The following AKAP6 variants were observed in gnomAD, a reference collection of about 807,000 sequenced individuals.
AKAP6 encodes A-kinase anchor protein 6.
Under a neutral mutation model 188.5 loss-of-function variants are expected in AKAP6, and 58 were observed. The observed-to-expected ratio is 0.31, with a 90% CI of 0.25 to 0.38. AKAP6 has a LOEUF of 0.38. AKAP6 is among the 10% of genes least tolerant of loss of function. The pLI is 1.00. For synonymous variants in AKAP6, 989 were observed against 998.6 expected, an observed-to-expected ratio of 0.99 and a Z score of 0.18; for missense variants, 2,710 against 2,740.0, an observed-to-expected ratio of 0.99 and a Z score of 0.24.
At chr14:32,391,458 C>T (rs902684060) in intron 1 of AKAP6, among the ~76,000 whole-genome samples, 1 of 152,150 alleles carries the variant, frequency 6.6e-6, no homozygotes, top group Non-Finnish European at 1.5e-5. Context: ...TGTTTCTAAA[C>T]AAATATGTGA....
intron 9 of AKAP6, among the ~76,000 whole-genome samples, chr14:32,718,631 T>C (rs1476826288): frequency 6.6e-6 from 1 of 152,196 alleles, no homozygotes; most frequent in Non-Finnish European, 1.5e-5. Context: ...GTGTTAACCG[T>C]TCATGGCCAT....
At chr14:32,365,894 G>T (rs1231252989) in intron 1 of AKAP6, among the ~76,000 whole-genome samples, 3 of 152,116 alleles carry the variant, frequency 2.0e-5, no homozygotes, top group Admixed American at 1.3e-4. Flanking sequence ...TGCCTTAGGG[G>T]ACAGGTGTCC....
intron 4 of AKAP6, among the ~76,000 whole-genome samples, chr14:32,567,049 A>G (rs1884225209): frequency 6.6e-6 from 1 of 152,098 alleles, no homozygotes; most frequent in Non-Finnish European, 1.5e-5. Flanking sequence ...CAGCTTCCAG[A>G]GTAGCTGGAC....
chr14:32,515,210 A>T (rs558883501), intron 2 of AKAP6, among the ~76,000 whole-genome samples: 2 of 152,316 alleles, frequency 1.3e-5, no homozygotes, highest in African/African-American at 4.8e-5. Flanking sequence ...ACTTCCATTT[A>T]TAAAACCATC....
In AKAP6 at chr14:32,453,575, C is replaced by CTTTTTTTTTTTTT. The variant is rs71115071; in HGVS notation, c.324+19785_324+19797dup. 1.3e-3 allele frequency among the ~76,000 whole-genome samples: 122 copies of CTTTTTTTTTTTTT among 95,350 alleles called. 28 individuals carry two copies. The highest frequency in any genetic ancestry group is 2.2e-3 in the Admixed American group (15 of 6,914). 62.6% of individuals were successfully genotyped at this position (95,350 alleles called of 152,430 possible). A position where few individuals can be genotyped will look rare whatever the true frequency, so the allele number is the denominator to read the frequency against. ...GTGGAGATAATAGAATTTTTCTTTT[C>CTTTTTTTTTTTTT]TTTTTTTTTTTTTTTTTTTTTTTTT... is the stretch of plus-strand genomic sequence containing the variant. On this transcript the variant is annotated intron_variant, in intron 2 of 13. Transcript: ENST00000280979.
intron 1 of AKAP6, among the ~76,000 whole-genome samples, chr14:32,343,022 T>C (rs1035070160): frequency 2.8e-4 from 42 of 152,174 alleles, no homozygotes; most frequent in Non-Finnish European, 4.9e-4. Flanking sequence ...AACAGCAACC[T>C]TTTTTCCCGT....
chr14:32,369,125 G>A (rs1208111633), intron 1 of AKAP6, among the ~76,000 whole-genome samples: 2 of 152,158 alleles, frequency 1.3e-5, no homozygotes, highest in Non-Finnish European at 1.5e-5. Flanking sequence ...AAACCAGAGG[G>A]AAGCAAGACT....
At chr14:32,699,730 GTAGTC>G (rs1257721031) in intron 9 of AKAP6, among the ~76,000 whole-genome samples, 1 of 152,164 alleles carries the variant, frequency 6.6e-6, no homozygotes. Flanking sequence ...AAACACAAAT[GTAGTC>G]TTTTCTCATT....
At chr14:32,710,107 C>T (rs192801231) in intron 9 of AKAP6, among the ~76,000 whole-genome samples, 26 of 151,346 alleles carry the variant, frequency 1.7e-4, no homozygotes, top group African/African-American at 4.4e-4. Flanking sequence ...GTTTGGAAGA[C>T]GACTGTAGCT....
chr14:32,835,653 C>T lies in AKAP6; in HGVS notation c.*5848C>T, dbSNP rs529904035. The stretch of plus-strand genomic sequence containing the variant: ...TATTGTATATAGTACACCTTCAGTT[C>T]CCAACTGCTGAATTTACCAAGGAAT... On this transcript the variant is annotated 3_prime_UTR_variant, in exon 14 of 14. Transcript: ENST00000280979. 5 of 152,142 alleles carry T rather than the reference C, an allele frequency of 3.3e-5. No homozygotes were observed. Among genetic ancestry groups the T allele is most frequent in the Non-Finnish European group, 7.3e-5 (5 of 68,030 alleles). 9.4% of individuals were successfully genotyped at this position (152,142 alleles called of 1,614,324 possible). A position where few individuals can be genotyped will look rare whatever the true frequency, so the allele number is the denominator to read the frequency against.
intron 1 of AKAP6, among the ~76,000 whole-genome samples, chr14:32,331,184 A>T (rs1299233217): frequency 2.0e-5 from 3 of 152,096 alleles, no homozygotes; most frequent in Non-Finnish European, 2.9e-5. Flanking sequence ...CTTGTTTGGT[A>T]ACATGAATTT....
chr14:32,566,139 C>T (rs1401247193), intron 4 of AKAP6, among the ~76,000 whole-genome samples: 1 of 152,136 alleles, frequency 6.6e-6, no homozygotes, highest in Non-Finnish European at 1.5e-5. Context: ...TTACCTTTTT[C>T]ACTTTCATTC....
At chr14:32,769,589 T>A (rs1421482772) in intron 11 of AKAP6, among the ~76,000 whole-genome samples, 1 of 150,474 alleles carries the variant, frequency 6.6e-6, no homozygotes, top group East Asian at 1.9e-4. Context: ...TCAGCTAAAG[T>A]CCCACCACTT....
At chr14:32,465,368 GTGGTAC>G (rs146124235) in intron 2 of AKAP6, among the ~76,000 whole-genome samples, 56,389 of 151,010 alleles carry the variant, frequency 0.37, 13,749 homozygotes, top group African/African-American at 0.71. Context: ...CCAAAACAGC[GTGGTAC>G]TGGTACCAAA....
At chr14:32,496,428 A>G (rs1047173053) in intron 2 of AKAP6, among the ~76,000 whole-genome samples, 1 of 152,158 alleles carries the variant, frequency 6.6e-6, no homozygotes, top group Non-Finnish European at 1.5e-5. Context: ...ATATATGTAT[A>G]TTATATGATC....
At chr14:32,760,926 G>T (rs895830916) in intron 11 of AKAP6, among the ~76,000 whole-genome samples, 14 of 152,008 alleles carry the variant, frequency 9.2e-5, no homozygotes, top group African/African-American at 3.4e-4. Flanking sequence ...GTTATGTATT[G>T]GTTAAACTTC....
chr14:32,453,575 C>CTATTTTTTTTTTTT (rs1891007188), intron 2 of AKAP6, among the ~76,000 whole-genome samples: 1 of 95,354 alleles, frequency 1.0e-5, no homozygotes, highest in Non-Finnish European at 2.1e-5. Context: ...TTTTTCTTTT[C>CTATTTTTTTTTTTT]TTTTTTTTTT....
At chr14:32,828,866 A>C (rs1481914116) in intron 13 of AKAP6, among the ~76,000 whole-genome samples, 1 of 152,038 alleles carries the variant, frequency 6.6e-6, no homozygotes, top group Non-Finnish European at 1.5e-5. Context: ...TTCTTTCTCC[A>C]ACTCCCCATG....
chr14:32,488,646 A>G (rs1214232907), intron 2 of AKAP6, among the ~76,000 whole-genome samples: 7 of 81,042 alleles, frequency 8.6e-5, no homozygotes, highest in Admixed American at 6.5e-4. Flanking sequence ...CTTGAAACTC[A>G]GGGCCCGGGT....
Sources: gnomAD v4.1 joint callset for allele counts (sites outside exome capture counted in the v4.1 genomes callset) on GRCh38, gnomAD v4.1.1 for gene constraint, MANE v1.5 for transcripts, NCBI Gene and HGNC (gene_info 2026-07-23, HGNC 2026-07-21) for gene names.